Variants in RCAN3 observed in about 807,000 individuals in gnomAD.
RCAN3 encodes regulator of calcineurin 3.
Under a neutral mutation model 21.9 loss-of-function variants are expected in RCAN3, and 19 were observed. The observed-to-expected ratio is 0.87, with a 90% CI of 0.61 to 1.27. The LOEUF (loss-of-function observed/expected upper bound fraction) is 1.27. RCAN3 is among the 50% of genes most tolerant of loss of function. RCAN3 has a pLI of 0.00. For missense variants in RCAN3, 240 were observed against 300.1 expected (o/e 0.80, Z 1.48); for synonymous variants, 114 against 112.3 (o/e 1.01, Z -0.09).
chr1:24,530,866 C>T (rs572016352), intron 2 of RCAN3, among the ~76,000 whole-genome samples: 21 of 151,894 alleles, frequency 1.4e-4, no homozygotes, highest in Admixed American at 4.6e-4. Context: ...AAAAATTAGC[C>T]GGGCATGGTG....
In RCAN3 at chr1:24,538,743, T is replaced by G. The variant is rs971967825; in HGVS notation, c.*3466T>G. On this transcript the variant is annotated 3_prime_UTR_variant, in exon 5 of 5. Coordinates refer to ENST00000374395, the MANE Select transcript of RCAN3 (RefSeq NM_013441.4). ...AATAAAATATTGTAGTCATTAATGG[T>G]GTGTTTGAATTGAAGAGATACCAGG... 1.3e-5 allele frequency: 2 copies of G among 151,926 alleles called. No individual in the cohort carries two copies. Among genetic ancestry groups the G allele is most frequent in the Non-Finnish European group, 2.9e-5 (2 of 67,998 alleles). 9.4% of individuals were successfully genotyped at this position (151,926 alleles called of 1,614,324 possible). A position where few individuals can be genotyped will look rare whatever the true frequency, so the allele number is the denominator to read the frequency against.
At chr1:24,526,569 A>C (rs1649289875) in intron 2 of RCAN3, among the ~76,000 whole-genome samples, 1 of 152,216 alleles carries the variant, frequency 6.6e-6, no homozygotes, top group Non-Finnish European at 1.5e-5. Context: ...CTGTCATACG[A>C]TGCGTTGGTA....
chr1:24,522,882 C>A (rs1648929795), intron 2 of RCAN3, among the ~76,000 whole-genome samples: 1 of 152,160 alleles, frequency 6.6e-6, no homozygotes, highest in African/African-American at 2.4e-5. Context: ...TTTACTAATA[C>A]AGTTGAATCC....
chr1:24,518,974 C>T (rs1265528823), intron 2 of RCAN3, among the ~76,000 whole-genome samples: 1 of 152,090 alleles, frequency 6.6e-6, no homozygotes, highest in East Asian at 1.9e-4. Flanking sequence ...CAGGGTTTCA[C>T]CCTGTTGGCC....
intron 2 of RCAN3, 81 bp downstream of exon 2, chr1:24,514,648 C>A: frequency 2.2e-6 from 3 of 1,357,854 alleles, no homozygotes; most frequent in Non-Finnish European, 3.1e-6. Flanking sequence ...TTGACTGGTC[C>A]CTGACAAATT....
chr1:24,517,441 T>G (rs1314549378), intron 2 of RCAN3, among the ~76,000 whole-genome samples: 2 of 152,168 alleles, frequency 1.3e-5, no homozygotes, highest in African/African-American at 2.4e-5. Context: ...CAACCTTTTC[T>G]TTTTAACTGT....
rs1293872715 is a variant in RCAN3 at position 24,540,854 on chromosome 1, A to G, written c.*5577A>G. 2 of 152,172 alleles carry G rather than the reference A, an allele frequency of 1.3e-5. No homozygotes were observed. Among genetic ancestry groups the G allele is most frequent in the African/African-American group, 2.4e-5 (1 of 41,442 alleles). The allele number at this position is 152,172 out of a possible 1,614,324, so 9.4% of individuals were successfully genotyped here. On this transcript the variant is annotated 3_prime_UTR_variant, in exon 5 of 5. Coordinates refer to ENST00000374395, the MANE Select transcript of RCAN3 (RefSeq NM_013441.4). ...ACATTTTAGTGTGCTTGAAGTGACAATCCATAGTTTGTAGTAGTTTGTTAT... is the reference window on the plus strand; with the variant it reads ...ACATTTTAGTGTGCTTGAAGTGACAGTCCATAGTTTGTAGTAGTTTGTTAT...
chr1:24,530,640 G>T (rs1230800951), intron 2 of RCAN3, among the ~76,000 whole-genome samples: 1 of 152,170 alleles, frequency 6.6e-6, no homozygotes, highest in African/African-American at 2.4e-5. Flanking sequence ...GGGCATGTTT[G>T]TATCATTCTC....
intron 2 of RCAN3, among the ~76,000 whole-genome samples, chr1:24,515,072 A>C (rs1040979639): frequency 6.6e-6 from 1 of 152,214 alleles, no homozygotes; most frequent in Non-Finnish European, 1.5e-5. Context: ...GAAATGTTTC[A>C]AAACCAGTTC....
chr1:24,504,460 A>T (rs34636419), intron 1 of RCAN3, among the ~76,000 whole-genome samples: 20,101 of 132,558 alleles, frequency 0.15, 2,137 homozygotes, highest in African/African-American at 0.34. Flanking sequence ...GAGCCACCGC[A>T]CCCAGCCAAA....
At chr1:24,530,351 A>G (rs1335448242) in intron 2 of RCAN3, among the ~76,000 whole-genome samples, 1 of 113,254 alleles carries the variant, frequency 8.8e-6, no homozygotes, top group East Asian at 3.0e-4. Flanking sequence ...TGAGACTCTT[A>G]TCTCCAAAAA....
At position 24,531,219 on chromosome 1, in the gene RCAN3, A is replaced by G; in HGVS notation, c.197A>G (p.Glu66Gly). The G allele has an allele frequency of 2.6e-6, 4 of 1,515,386 alleles. No individual in the cohort carries two copies. The highest frequency in any genetic ancestry group is 3.6e-6 in the Non-Finnish European group (4 of 1,123,882). 93.9% of individuals were successfully genotyped at this position (1,515,386 alleles called of 1,614,324 possible). A position where few individuals can be genotyped will look rare whatever the true frequency, so the allele number is the denominator to read the frequency against. ...EAVFEAREQK[E>G]RFEALFTIYD... The stretch of plus-strand genomic sequence containing the variant: ...TGCCTTGCTGCTCCTTAATTGTAGG[A>G]AAGATTTGAAGCACTCTTCACCATC... The change falls in exon 3 of 5, where the codon GAA becomes GGA. Residue 66 changes from glutamate to glycine, a missense_variant and splice_region_variant. Transcript: ENST00000374395.
intron 1 of RCAN3, among the ~76,000 whole-genome samples, chr1:24,510,641 A>G (rs549390757): frequency 5.9e-5 from 9 of 152,288 alleles, no homozygotes; most frequent in African/African-American, 1.9e-4. Flanking sequence ...TTCTATCTAG[A>G]CCAATCAGAC....
chr1:24,526,216 C>T (rs1260513285), intron 2 of RCAN3, among the ~76,000 whole-genome samples: 1 of 152,026 alleles, frequency 6.6e-6, no homozygotes, highest in Non-Finnish European at 1.5e-5. Context: ...CTTAGCCAAC[C>T]GAGTAGATAA....
intron 2 of RCAN3, among the ~76,000 whole-genome samples, chr1:24,519,054 G>A (rs1648572339): frequency 6.6e-6 from 1 of 152,096 alleles, no homozygotes; most frequent in South Asian, 2.1e-4. Flanking sequence ...GGGACTACAG[G>A]TGCATGCCAC....
chr1:24,512,617 A>C (rs780647107), intron 1 of RCAN3, among the ~76,000 whole-genome samples: 11 of 152,168 alleles, frequency 7.2e-5, no homozygotes, highest in Non-Finnish European at 1.6e-4. Context: ...CATAATTACC[A>C]TTCTGTATTA....
chr1:24,540,692 C>CA lies in RCAN3; in HGVS notation c.*5418dup, dbSNP rs1253082574. ...TTCAATCTTAATTGAACCCAAGAGT[C>CA]AAAGTTATTATTTTCTCCGAACGTG... is the stretch of plus-strand genomic sequence containing the variant. On this transcript the variant is annotated 3_prime_UTR_variant, in exon 5 of 5. Coordinates refer to ENST00000374395, the MANE Select transcript of RCAN3 (RefSeq NM_013441.4). 1 of 152,100 alleles carries CA rather than the reference C, an allele frequency of 6.6e-6. No individual in the cohort carries two copies. The highest frequency in any genetic ancestry group is 1.5e-5 in the Non-Finnish European group (1 of 68,018). 9.4% of individuals were successfully genotyped at this position (152,100 alleles called of 1,614,324 possible). A position where few individuals can be genotyped will look rare whatever the true frequency, so the allele number is the denominator to read the frequency against.
rs551608336 is a variant in RCAN3, at chr1:24,517,169, C to T, written c.195+2602C>T. On this transcript the variant is annotated intron_variant, in intron 2 of 4. Coordinates refer to ENST00000374395, the MANE Select transcript of RCAN3 (RefSeq NM_013441.4). ...CCTCCCAGGCTGGAAGGCTGGAGTG[C>T]AATGGCGCAGTCTCGGCTCACTGCA... 7.9e-5 allele frequency among the ~76,000 whole-genome samples: 12 copies of T among 151,018 alleles called. No homozygotes were observed. In the South Asian group the frequency reaches 2.5e-3, roughly 32 times the overall value.
chr1:24,506,934 C>T (rs890848614), intron 1 of RCAN3, among the ~76,000 whole-genome samples: 5 of 152,022 alleles, frequency 3.3e-5, no homozygotes, highest in Non-Finnish European at 5.9e-5. Flanking sequence ...TCCAAAAACC[C>T]GGGCACAGTA....
Sources: gnomAD v4.1 joint callset for allele counts (sites outside exome capture counted in the v4.1 genomes callset) on GRCh38, gnomAD v4.1.1 for gene constraint, MANE v1.5 for transcripts, NCBI Gene and HGNC (gene_info 2026-07-23, HGNC 2026-07-21) for gene names.